The following RFX3 variants were observed in gnomAD, a reference collection of about 807,000 sequenced individuals.
RFX3 encodes transcription factor RFX3.
RFX3 carries 14 observed loss-of-function variants against 98.6 expected under a neutral mutation model. That is an observed-to-expected ratio of 0.14 (90% CI 0.09 to 0.22). The LOEUF (loss-of-function observed/expected upper bound fraction) is 0.22, where lower values mean the gene tolerates loss of function less well. Among genes scored for constraint, RFX3 ranks in the 10% least tolerant of loss-of-function variants. The pLI, the probability that RFX3 is intolerant of heterozygous loss-of-function variation, is 1.00. For synonymous variants in RFX3, 383 were observed against 328.4 expected (o/e 1.17, Z -1.80); for missense variants, 639 against 926.9 (o/e 0.69, Z 4.03).
intron 1 of RFX3, among the ~76,000 whole-genome samples, chr9:3,441,826 A>G (rs1845634510): frequency 6.6e-6 from 1 of 152,158 alleles, no homozygotes; most frequent in African/African-American, 2.4e-5. Flanking sequence ...ATAAAACTCT[A>G]TAAAACCCTC....
intron 1 of RFX3, among the ~76,000 whole-genome samples, chr9:3,452,871 T>C (rs1041557543): frequency 4.6e-5 from 7 of 152,222 alleles, no homozygotes; most frequent in Non-Finnish European, 8.8e-5. Flanking sequence ...TATAGTACCA[T>C]AGAAAGTAGC....
At chr9:3,388,975 T>A (rs1840004486) in intron 2 of RFX3, among the ~76,000 whole-genome samples, 1 of 152,032 alleles carries the variant, frequency 6.6e-6, no homozygotes, top group Non-Finnish European at 1.5e-5. Context: ...GGACTACAGT[T>A]GCAAAGGCAG....
intron 10 of RFX3, 81 bp downstream of exon 10, chr9:3,270,922 A>G (rs141356930): frequency 1.3e-6 from 2 of 1,594,670 alleles, no homozygotes; most frequent in African/African-American, 2.7e-5. Context: ...AAGGTTCACA[A>G]CTGGTATACA....
At chr9:3,398,576 G>A (rs1304750048) in intron 1 of RFX3, among the ~76,000 whole-genome samples, 1 of 152,166 alleles carries the variant, frequency 6.6e-6, no homozygotes, top group Non-Finnish European at 1.5e-5. Context: ...TACAGATGAG[G>A]AAGACAGCGT....
At chr9:3,444,699 G>T (rs192443966) in intron 1 of RFX3, among the ~76,000 whole-genome samples, 1 of 152,230 alleles carries the variant, frequency 6.6e-6, no homozygotes, top group Non-Finnish European at 1.5e-5. Flanking sequence ...CCAAACAGCT[G>T]ATGGCACAGC....
intron 1 of RFX3, among the ~76,000 whole-genome samples, chr9:3,433,360 A>G (rs1370308197): frequency 6.6e-6 from 1 of 152,174 alleles, no homozygotes; most frequent in Non-Finnish European, 1.5e-5. Flanking sequence ...TTTTATGATT[A>G]TCTACTCCCA....
intron 1 of RFX3, among the ~76,000 whole-genome samples, chr9:3,455,419 CTT>C (rs1271770466): frequency 2.0e-5 from 3 of 152,310 alleles, no homozygotes; most frequent in East Asian, 1.9e-4. Flanking sequence ...ACTATATACT[CTT>C]TCTCATGACA....
chr9:3,390,489 T>C (rs1260516686), intron 2 of RFX3, among the ~76,000 whole-genome samples: 1 of 152,090 alleles, frequency 6.6e-6, no homozygotes, highest in African/African-American at 2.4e-5. Context: ...CAGATGGAGA[T>C]GAGAAACTTG....
chr9:3,272,651 G>A (rs1354893685), intron 9 of RFX3, among the ~76,000 whole-genome samples: 1 of 152,052 alleles, frequency 6.6e-6, no homozygotes, highest in Non-Finnish European at 1.5e-5. Context: ...TGTAGCTTAG[G>A]CACATTCCAA....
At position 3,224,383 on chromosome 9, in the gene RFX3, A is replaced by T. The variant is rs1817543307; in HGVS notation, c.*659T>A. The T allele has an allele frequency of 2.0e-5, 3 of 152,238 alleles. No individual in the cohort carries two copies. Among genetic ancestry groups the T allele is most frequent in the African/African-American group, 4.8e-5 (2 of 41,452 alleles). The allele number at this position is 152,238 out of a possible 1,614,324, so 9.4% of individuals were successfully genotyped here. ...ATAATTATGTACACAAATTATGTACATATTAGCATAATCTCTTGCAATTCT... is the reference window on the plus strand; with the variant it reads ...ATAATTATGTACACAAATTATGTACTTATTAGCATAATCTCTTGCAATTCT... On this transcript the variant is annotated 3_prime_UTR_variant, in exon 17 of 17. Coordinates refer to ENST00000617270, the MANE Select transcript of RFX3 (RefSeq NM_001282116.2).
At chr9:3,273,688 A>G (rs1824810559) in intron 9 of RFX3, among the ~76,000 whole-genome samples, 1 of 151,974 alleles carries the variant, frequency 6.6e-6, no homozygotes, top group African/African-American at 2.4e-5. Context: ...ACACAGTGAA[A>G]CCCCATCTTT....
chr9:3,256,067 C>T (rs1350601302), intron 14 of RFX3, among the ~76,000 whole-genome samples: 5 of 151,996 alleles, frequency 3.3e-5, no homozygotes, highest in African/African-American at 9.7e-5. Flanking sequence ...TCCGGGTTCA[C>T]GCCATTCTCC....
chr9:3,439,655 C>A (rs909780212), intron 1 of RFX3, among the ~76,000 whole-genome samples: 2 of 151,958 alleles, frequency 1.3e-5, no homozygotes, highest in Non-Finnish European at 2.9e-5. Flanking sequence ...AATTCAAAAA[C>A]CTTCCCACAA....
intron 1 of RFX3, among the ~76,000 whole-genome samples, chr9:3,421,883 T>G (rs1316613685): frequency 6.6e-6 from 1 of 152,174 alleles, no homozygotes; most frequent in Non-Finnish European, 1.5e-5. Flanking sequence ...GCAGGCAATT[T>G]CATTCCAACA....
In RFX3 at chr9:3,228,829, A is replaced by G; in HGVS notation, c.2011+18T>C. On this transcript the variant is annotated intron_variant, in intron 16 of 16. Coordinates refer to ENST00000617270, the MANE Select transcript of RFX3 (RefSeq NM_001282116.2). ...ATAAATAAAAGTTCTTAAAATGTACATTATTTTCGATTCTTACCTTTATCC... is the reference window on the plus strand; with the variant it reads ...ATAAATAAAAGTTCTTAAAATGTACGTTATTTTCGATTCTTACCTTTATCC... 1.3e-6 allele frequency: 2 copies of G among 1,598,258 alleles called. No individual in the cohort carries two copies. Among genetic ancestry groups the G allele is most frequent in the Non-Finnish European group, 1.7e-6 (2 of 1,172,150 alleles).
At chr9:3,455,742 AT>A (rs1252860753) in intron 1 of RFX3, among the ~76,000 whole-genome samples, 1 of 152,256 alleles carries the variant, frequency 6.6e-6, no homozygotes, top group Non-Finnish European at 1.5e-5. Context: ...TTAGGAAACC[AT>A]TCTGATTCTT....
intron 1 of RFX3, among the ~76,000 whole-genome samples, chr9:3,454,101 C>A (rs993194669): frequency 9.9e-5 from 15 of 152,146 alleles, no homozygotes; most frequent in African/African-American, 3.6e-4. Flanking sequence ...TACCTACACG[C>A]ACTCTTTGCT....
chr9:3,243,680 T>A (rs1298301428), intron 15 of RFX3, among the ~76,000 whole-genome samples: 2 of 152,224 alleles, frequency 1.3e-5, no homozygotes, highest in African/African-American at 4.8e-5. Context: ...ACATTCATTG[T>A]TCTTAAGTCA....
chr9:3,477,640 G>T (rs1052907813), intron 1 of RFX3, among the ~76,000 whole-genome samples: 1 of 152,066 alleles, frequency 6.6e-6, no homozygotes, highest in African/African-American at 2.4e-5. Context: ...ATCACTTTGG[G>T]CTTATTCAAC....
Sources: allele counts gnomAD v4.1 joint callset (sites outside exome capture counted in the v4.1 genomes callset), GRCh38; gene constraint gnomAD v4.1.1; transcripts MANE v1.5; gene names NCBI Gene and HGNC (gene_info 2026-07-23, HGNC 2026-07-21).